THSD7B: variants seen among roughly 807,000 people sequenced by gnomAD.
THSD7B encodes thrombospondin type-1 domain-containing protein 7B.
In THSD7B, 138 loss-of-function variants were observed where a neutral mutation model predicts 213.6. The ratio of observed to expected loss-of-function variants is 0.65; its 90% CI spans 0.56 to 0.74. The LOEUF (loss-of-function observed/expected upper bound fraction) is 0.74. Ranked by LOEUF, THSD7B falls within the 30% of genes least tolerant of loss-of-function variation. The pLI is 0.00. For synonymous variants in THSD7B, 742 were observed against 687.0 expected (o/e 1.08, Z -1.25); for missense variants, 1,931 against 1,991.5 (o/e 0.97, Z 0.58).
intron 2 of THSD7B, among the ~76,000 whole-genome samples, chr2:137,019,634 C>T (rs903781533): frequency 6.6e-6 from 1 of 152,180 alleles, no homozygotes; most frequent in Non-Finnish European, 1.5e-5. Context: ...CTTGCAAACC[C>T]ACTGTAAATG....
intron 1 of THSD7B, among the ~76,000 whole-genome samples, chr2:136,768,265 G>A (rs961113988): frequency 1.2e-4 from 18 of 152,108 alleles, no homozygotes; most frequent in Admixed American, 6.5e-4. Flanking sequence ...ATGATAGACC[G>A]AAAAAGCAGA....
At position 137,072,454 on chromosome 2, in the gene THSD7B, G is replaced by A. The variant is rs530234270; in HGVS notation, c.950+15224G>A. On this transcript the variant is annotated intron_variant, in intron 3 of 27. Transcript: ENST00000409968. ...CTTGTGATTTTTGTACATTGATTTT[G>A]TATCCTGAGACTTTGCTGAAGTTGC... Among the ~76,000 whole-genome samples the A allele has an allele frequency of 6.4e-3, 979 of 152,168 alleles. 12 individuals are homozygous for A. The highest frequency in any genetic ancestry group is 0.022 in the African/African-American group (931 of 41,472).
intron 11 of THSD7B, among the ~76,000 whole-genome samples, chr2:137,272,908 G>A (rs1280591199): frequency 1.3e-5 from 2 of 151,870 alleles, no homozygotes; most frequent in Non-Finnish European, 2.9e-5. Context: ...CTTGACTTAT[G>A]CCACCATGGC....
At chr2:137,317,519 AT>A (rs1193916727) in intron 12 of THSD7B, among the ~76,000 whole-genome samples, 2 of 152,240 alleles carry the variant, frequency 1.3e-5, no homozygotes, top group East Asian at 3.8e-4. Context: ...CTTATAGTAT[AT>A]CCATAAATAT....
chr2:137,064,960 TG>T (rs200257342), intron 3 of THSD7B, among the ~76,000 whole-genome samples: 3 of 151,908 alleles, frequency 2.0e-5, no homozygotes, highest in Admixed American at 6.6e-5. Context: ...GTTTTTTTTT[TG>T]TTGTTGTTGT....
At chr2:137,356,658 C>G (rs1162574379) in intron 12 of THSD7B, among the ~76,000 whole-genome samples, 3 of 151,982 alleles carry the variant, frequency 2.0e-5, no homozygotes, top group African/African-American at 7.3e-5. Flanking sequence ...GGAGGCTGAC[C>G]CCACCTTATG....
intron 17 of THSD7B, among the ~76,000 whole-genome samples, chr2:137,578,563 A>C (rs933631165): frequency 6.6e-6 from 1 of 152,216 alleles, no homozygotes; most frequent in Non-Finnish European, 1.5e-5. Flanking sequence ...TTCCCTAATG[A>C]AATTTAAAGA....
At chr2:137,353,754 A>T (rs1197619675) in intron 12 of THSD7B, among the ~76,000 whole-genome samples, 4 of 152,126 alleles carry the variant, frequency 2.6e-5, no homozygotes, top group Non-Finnish European at 5.9e-5. Context: ...CAAGTATAAT[A>T]GAAGCTTCAA....
In THSD7B at chr2:137,677,538, G is replaced by A. The variant is rs1252378136; in HGVS notation, c.*933G>A. On this transcript the variant is annotated 3_prime_UTR_variant, in exon 28 of 28. Coordinates refer to ENST00000409968, the MANE Select transcript of THSD7B (RefSeq NM_001316349.2). ...CCTCATTTAATATACATCAAACACC[G>A]ATCCTGTTTGTACAAAGTCTTGCTT... The A allele has an allele frequency of 6.6e-6, 1 of 152,368 alleles. No individual in the cohort carries two copies. Among genetic ancestry groups the A allele is most frequent in the Non-Finnish European group, 1.5e-5 (1 of 68,014 alleles). 9.4% of individuals were successfully genotyped at this position (152,368 alleles called of 1,614,324 possible).
chr2:137,652,674 G>A (rs1683162800), intron 21 of THSD7B, among the ~76,000 whole-genome samples: 1 of 151,978 alleles, frequency 6.6e-6, no homozygotes, highest in Admixed American at 6.6e-5. Context: ...TTCTCTGGTA[G>A]TATGTTTTAA....
intron 1 of THSD7B, among the ~76,000 whole-genome samples, chr2:136,791,893 A>G (rs895201910): frequency 1.3e-5 from 2 of 152,040 alleles, no homozygotes; most frequent in Admixed American, 1.3e-4. Context: ...TCTTGGGTAT[A>G]TACCTAGGAT....
At chr2:137,157,449 G>A (rs62172323) in intron 5 of THSD7B, among the ~76,000 whole-genome samples, 29,127 of 152,144 alleles carry the variant, frequency 0.19, 3,550 homozygotes, top group South Asian at 0.42. Flanking sequence ...AGCCGGGGCT[G>A]TTTTGGCTGG....
chr2:137,076,984 C>A (rs181352630), intron 3 of THSD7B, among the ~76,000 whole-genome samples: 1 of 105,738 alleles, frequency 9.5e-6, no homozygotes, highest in African/African-American at 3.7e-5. Context: ...CCTCCCCCCA[C>A]CCCACAACAG....
intron 21 of THSD7B, among the ~76,000 whole-genome samples, chr2:137,647,263 T>C (rs1010330303): frequency 3.3e-5 from 5 of 152,124 alleles, no homozygotes; most frequent in Admixed American, 6.5e-5. Context: ...GGAAGAGGGA[T>C]AAGAAGGAGG....
rs183110851 is a variant in THSD7B, at chr2:137,457,109, T to C, written c.3138+6086T>C. On this transcript the variant is annotated intron_variant, in intron 15 of 27. Coordinates refer to ENST00000409968, the MANE Select transcript of THSD7B (RefSeq NM_001316349.2). Reference sequence around the variant, plus strand: ...TCAAGAGATTCCTCTCCCCCAACATTTGTATCCACACACACCCTATTGTAG... The same window carrying C: ...TCAAGAGATTCCTCTCCCCCAACATCTGTATCCACACACACCCTATTGTAG... Among the ~76,000 whole-genome samples the C allele has an allele frequency of 5.9e-5, 9 of 152,256 alleles. No homozygotes were observed. In the East Asian group the frequency reaches 1.7e-3, roughly 29 times the overall value.
chr2:137,651,992 T>C (rs1365428761), intron 21 of THSD7B, among the ~76,000 whole-genome samples: 2 of 152,088 alleles, frequency 1.3e-5, no homozygotes, highest in African/African-American at 4.8e-5. Flanking sequence ...TTCTGAAGAA[T>C]GTCCTATGTG....
intron 15 of THSD7B, among the ~76,000 whole-genome samples, chr2:137,486,691 T>G (rs1420997990): frequency 6.6e-6 from 1 of 152,042 alleles, no homozygotes; most frequent in East Asian, 1.9e-4. Context: ...AGAATATACA[T>G]TTTTGTCAGC....
At chr2:137,463,666 G>A (rs901101149) in intron 15 of THSD7B, among the ~76,000 whole-genome samples, 2 of 152,088 alleles carry the variant, frequency 1.3e-5, no homozygotes, top group African/African-American at 4.8e-5. Flanking sequence ...TTCTCTCTTT[G>A]AAGAGGAGAA....
chr2:137,645,399 C>T (rs1359743151), intron 21 of THSD7B, among the ~76,000 whole-genome samples: 1 of 152,204 alleles, frequency 6.6e-6, no homozygotes, highest in Non-Finnish European at 1.5e-5. Flanking sequence ...CAGTCTTTCT[C>T]TTAGAAACCT....
Sources: gnomAD v4.1 joint callset for allele counts (sites outside exome capture counted in the v4.1 genomes callset) on GRCh38, gnomAD v4.1.1 for gene constraint, MANE v1.5 for transcripts, NCBI Gene and HGNC (gene_info 2026-07-23, HGNC 2026-07-21) for gene names.